Variants in PEX5L observed in about 807,000 individuals in gnomAD.
The protein encoded by PEX5L is PEX5-related protein.
A neutral mutation model predicts 84.0 loss-of-function variants in PEX5L; 30 were observed. The ratio of observed to expected loss-of-function variants is 0.36; its 90% confidence interval spans 0.27 to 0.48. PEX5L has a LOEUF of 0.48. PEX5L is among the 20% of genes least tolerant of loss of function. PEX5L has a pLI of 0.99. For synonymous variants in PEX5L, 270 were observed against 283.1 expected, an observed-to-expected ratio of 0.95 and a Z score of 0.46; for missense variants, 533 against 754.6, an observed-to-expected ratio of 0.71 and a Z score of 3.44.
rs146906651 is a variant in PEX5L, at chr3:179,874,377, C to T, written c.676G>A (p.Ala226Thr). ...SQPELSGGKSALNSESASELE... is the reference protein window; with the variant it reads ...SQPELSGGKSTLNSESASELE... ...TCTGAAGCCGACTCAGAGTTGAGGG[C>T]GCTTTTTCCACCACTCAGTTCTGGT... Residue 226 changes from alanine (A) to threonine (T), a missense_variant, in exon 7 of 15, where the codon GCC becomes ACC. Ala to Thr is a moderately conservative substitution (Grantham distance 58, BLOSUM62 0). This residue lies in a region of PEX5L where 259 missense variants were observed against 301.7 expected (regional missense o/e 0.86). Coordinates refer to ENST00000467460, the MANE Select transcript of PEX5L (RefSeq NM_016559.3). 1.0e-4 allele frequency: 161 copies of T among 1,612,560 alleles called. No homozygotes were observed. Among genetic ancestry groups the T allele is most frequent in the Middle Eastern group, 4.9e-4 (3 of 6,078 alleles).
chr3:179,866,753 G>C (rs1324521532), intron 7 of PEX5L, among the ~76,000 whole-genome samples: 1 of 151,932 alleles, frequency 6.6e-6, no homozygotes, highest in Non-Finnish European at 1.5e-5. Flanking sequence ...GGCCGGGCAC[G>C]GTGGCTCACG....
At chr3:180,018,617 G>A (rs1790148447) in intron 1 of PEX5L, among the ~76,000 whole-genome samples, 1 of 152,198 alleles carries the variant, frequency 6.6e-6, no homozygotes, top group Non-Finnish European at 1.5e-5. Context: ...CGTTTTTAGA[G>A]AGGGGAAGAG....
At chr3:179,852,875 A>G (rs907792637) in intron 8 of PEX5L, among the ~76,000 whole-genome samples, 1 of 152,242 alleles carries the variant, frequency 6.6e-6, no homozygotes, top group Non-Finnish European at 1.5e-5. Flanking sequence ...TCTAGGGGGA[A>G]AAGTTCATCC....
intron 1 of PEX5L, among the ~76,000 whole-genome samples, chr3:180,004,082 T>C (rs1788658637): frequency 1.3e-5 from 2 of 152,204 alleles, no homozygotes; most frequent in Non-Finnish European, 2.9e-5. Context: ...TTGGAAGCAA[T>C]GTTATTTGAA....
At chr3:179,950,358 G>A (rs1352079334) in intron 2 of PEX5L, among the ~76,000 whole-genome samples, 1 of 148,914 alleles carries the variant, frequency 6.7e-6, no homozygotes, top group African/African-American at 2.5e-5. Context: ...GGGGACTGCT[G>A]TAGGGTGAGG....
At chr3:180,012,039 TATC>T (rs1789538481) in intron 1 of PEX5L, among the ~76,000 whole-genome samples, 1 of 152,192 alleles carries the variant, frequency 6.6e-6, no homozygotes, top group South Asian at 2.1e-4. Flanking sequence ...TTTTTCCTCT[TATC>T]ATCTCACAGC....
chr3:180,008,307 T>C (rs1789109047), intron 1 of PEX5L, among the ~76,000 whole-genome samples: 1 of 152,208 alleles, frequency 6.6e-6, no homozygotes, highest in Non-Finnish European at 1.5e-5. Context: ...GCCTCATCTC[T>C]TCTCCATCTG....
intron 1 of PEX5L, among the ~76,000 whole-genome samples, chr3:180,027,080 G>A (rs114473450): frequency 1.2e-4 from 18 of 151,916 alleles, no homozygotes; most frequent in Non-Finnish European, 2.2e-4. Context: ...GGCAGTAAGG[G>A]CAGCCATTGA....
intron 7 of PEX5L, among the ~76,000 whole-genome samples, chr3:179,866,919 G>C (rs530637125): frequency 4.0e-5 from 6 of 151,296 alleles, no homozygotes; most frequent in South Asian, 4.2e-4. Flanking sequence ...CCAGCTACTC[G>C]GGAGGCTGAG....
intron 2 of PEX5L, among the ~76,000 whole-genome samples, chr3:179,944,081 C>G (rs1776886926): frequency 6.6e-6 from 1 of 151,206 alleles, no homozygotes; most frequent in African/African-American, 2.4e-5. Flanking sequence ...AATTCAAAGG[C>G]TACTTTTTAA....
intron 1 of PEX5L, among the ~76,000 whole-genome samples, chr3:179,992,311 G>A (rs2110377522): frequency 6.6e-6 from 1 of 152,260 alleles, no homozygotes; most frequent in East Asian, 1.9e-4. Context: ...ATTCCCCCAT[G>A]TTACAGATAA....
intron 2 of PEX5L, among the ~76,000 whole-genome samples, chr3:179,931,607 A>G (rs1773139028): frequency 6.6e-6 from 1 of 152,186 alleles, no homozygotes; most frequent in African/African-American, 2.4e-5. Flanking sequence ...TGATGTATTT[A>G]AATTATTCTT....
At chr3:179,888,337 C>A in intron 3 of PEX5L, 1 of 307,084 alleles carries the variant, frequency 3.3e-6, no homozygotes, top group Admixed American at 4.0e-5. Flanking sequence ...TATTACATAA[C>A]AAATATTATT....
intron 1 of PEX5L, among the ~76,000 whole-genome samples, chr3:180,015,374 T>C (rs1338900649): frequency 6.6e-6 from 1 of 152,226 alleles, no homozygotes; most frequent in African/African-American, 2.4e-5. Context: ...TTATATTTTA[T>C]AGAAAACTTG....
At chr3:179,896,288 G>A (rs3774253) in intron 3 of PEX5L, 139,299 of 152,174 alleles carry the variant, frequency 0.92, 63,824 homozygotes, top group South Asian at 0.97. Flanking sequence ...TAAATTTTTT[G>A]AATCAGAACT....
intron 2 of PEX5L, among the ~76,000 whole-genome samples, chr3:179,947,309 T>C (rs181479733): frequency 6.6e-6 from 1 of 152,182 alleles, no homozygotes; most frequent in Non-Finnish European, 1.5e-5. Flanking sequence ...ATAAAAATTA[T>C]ATTTTTATTA....
At chr3:179,875,835 T>C (rs1314344475) in intron 5 of PEX5L, among the ~76,000 whole-genome samples, 1 of 152,166 alleles carries the variant, frequency 6.6e-6, no homozygotes, top group Admixed American at 6.5e-5. Flanking sequence ...TGGTGTAGAA[T>C]GTACATCTGG....
chr3:180,000,998 G>A (rs1788348241), intron 1 of PEX5L, among the ~76,000 whole-genome samples: 1 of 152,124 alleles, frequency 6.6e-6, no homozygotes, highest in Admixed American at 6.6e-5. Flanking sequence ...GTGTGTCTAT[G>A]AGGGTGTTGC....
chr3:180,008,828 T>C (rs1789165337), intron 1 of PEX5L, among the ~76,000 whole-genome samples: 1 of 152,170 alleles, frequency 6.6e-6, no homozygotes, highest in Non-Finnish European at 1.5e-5. Flanking sequence ...CCACAACACA[T>C]GGGAATTCTG....
Sources: gnomAD v4.1 joint callset for allele counts (sites outside exome capture counted in the v4.1 genomes callset) on GRCh38, gnomAD v4.1.1 for gene constraint, gnomAD v4.1.1 regional missense constraint, MANE v1.5 for transcripts, NCBI Gene and HGNC (gene_info 2026-07-23, HGNC 2026-07-21) for gene names.